The following ABCA13 variants were observed in gnomAD, a reference collection of about 807,000 sequenced individuals.
ABCA13 encodes the protein ATP-binding cassette sub-family A member 13.
Under a neutral mutation model 478.7 loss-of-function variants are expected in ABCA13, and 476 were observed. The ratio of observed to expected loss-of-function variants is 0.99; its 90% CI spans 0.92 to 1.07. The LOEUF is 1.07. Ranked by LOEUF, ABCA13 falls within the 50% of genes least tolerant of loss-of-function variation. The pLI, the probability that ABCA13 is intolerant of heterozygous loss-of-function variation, is 0.00. For synonymous variants in ABCA13, 2,252 were observed against 2,158.9 expected, an observed-to-expected ratio of 1.04 and a Z score of -1.20; for missense variants, 6,060 against 5,910.6, an observed-to-expected ratio of 1.03 and a Z score of -0.83.
intron 55 of ABCA13, among the ~76,000 whole-genome samples, chr7:48,536,111 G>C (rs771426232): frequency 2.6e-5 from 4 of 152,178 alleles, no homozygotes; most frequent in Non-Finnish European, 5.9e-5. Flanking sequence ...GCAGCTGTCT[G>C]AGCAGGAGCT....
At chr7:48,363,445 A>G (rs1054870373) in intron 31 of ABCA13, among the ~76,000 whole-genome samples, 5 of 152,156 alleles carry the variant, frequency 3.3e-5, no homozygotes, top group Admixed American at 6.5e-5. Context: ...ACAATTTTCT[A>G]TGATGACAAG....
At chr7:48,536,349 T>G (rs975051495) in intron 55 of ABCA13, among the ~76,000 whole-genome samples, 4 of 152,162 alleles carry the variant, frequency 2.6e-5, no homozygotes, top group African/African-American at 9.7e-5. Context: ...AAGAATATTT[T>G]AAATTTATCA....
chr7:48,351,228 G>A (rs139250908), intron 30 of ABCA13, among the ~76,000 whole-genome samples: 2,708 of 152,290 alleles, frequency 0.018, 30 homozygotes, highest in Admixed American at 0.023. Context: ...TTGGGGCGGA[G>A]AGCAGGCAAT....
chr7:48,580,309 A>T lies in ABCA13; in HGVS notation c.14440A>T (p.Thr4814Ser). 6.2e-7 allele frequency: 1 copy of T among 1,613,056 alleles called. No homozygotes were observed. The highest frequency in any genetic ancestry group is 8.5e-7 in the Non-Finnish European group (1 of 1,179,546). The change falls in exon 56 of 62, where the codon ACT becomes TCT. Residue 4814 changes from threonine to serine, a missense_variant. By Grantham distance (58) the Thr-to-Ser change is moderately conservative. Coordinates refer to ENST00000435803, the MANE Select transcript of ABCA13 (RefSeq NM_152701.5). ...PQQDALDELL[T>S]GWEHLYYYCS... ...GCAGGATGCCCTGGACGAGCTTCTG[A>T]CTGGTTGGGAACATCTCTATTATTA...
In ABCA13 at chr7:48,410,692, C is replaced by G. The variant is rs62447268; in HGVS notation, c.12228+15C>G. Reference sequence around the variant, plus strand: ...TCACGAGGCAGGTAAGGAGTGCAACCATTCTATCTCACTGAAGTCCCATTT... The same window carrying G: ...TCACGAGGCAGGTAAGGAGTGCAACGATTCTATCTCACTGAAGTCCCATTT... On this transcript the variant is annotated intron_variant, in intron 40 of 61. Transcript: ENST00000435803. 0.2 allele frequency: 326,500 copies of G among 1,602,790 alleles called. 35,717 individuals carry two copies. The highest frequency in any genetic ancestry group is 0.25 in the East Asian group (11,119 of 44,700).
intron 41 of ABCA13, among the ~76,000 whole-genome samples, chr7:48,425,895 C>G (rs1220337858): frequency 6.6e-6 from 1 of 152,004 alleles, no homozygotes; most frequent in East Asian, 1.9e-4. Context: ...GCGCCCGCCA[C>G]CTCGCCCGGC....
Position 48,273,395 on chromosome 7 carries a change from T to G in ABCA13, c.3729T>G (p.Val1243=). 6.2e-7 allele frequency: 1 copy of G among 1,613,618 alleles called. No individual in the cohort carries two copies. ...DFLVALGNAL[V]SVKKLNLEQV... is the part of the protein sequence containing the mutation. The stretch of plus-strand genomic sequence containing the variant: ...TGGTAGCTTTAGGTAATGCATTAGT[T>G]TCAGTAAAAAAACTTAACTTGGAGC... Residue 1243 remains valine, a synonymous_variant, in exon 17 of 62, where the codon GTT becomes GTG. Transcript: ENST00000435803.
intron 39 of ABCA13, among the ~76,000 whole-genome samples, chr7:48,405,553 A>G (rs7802110): frequency 0.28 from 42,102 of 152,202 alleles, 6,135 homozygotes; most frequent in Admixed American, 0.29. Flanking sequence ...CAATTTGCGC[A>G]CTACCCTGGC....
At chr7:48,577,125 G>T (rs1352859069) in intron 55 of ABCA13, among the ~76,000 whole-genome samples, 1 of 152,052 alleles carries the variant, frequency 6.6e-6, no homozygotes, top group Non-Finnish European at 1.5e-5. Flanking sequence ...TGTTAGAAAA[G>T]ATTAGAGACC....
intron 23 of ABCA13, among the ~76,000 whole-genome samples, chr7:48,303,950 C>T (rs949215448): frequency 2.0e-5 from 3 of 152,144 alleles, no homozygotes; most frequent in Non-Finnish European, 4.4e-5. Context: ...TGCAACATGT[C>T]TGTCTGGGGT....
intron 2 of ABCA13, among the ~76,000 whole-genome samples, chr7:48,196,605 C>G (rs1006867826): frequency 6.6e-6 from 1 of 152,066 alleles, no homozygotes; most frequent in African/African-American, 2.4e-5. Context: ...ATGCCCATCC[C>G]CCTCCCTCAT....
Position 48,372,548 on chromosome 7 carries a change from T to C in ABCA13, c.11133+51T>C, listed in dbSNP as rs1366926346. The C allele has an allele frequency of 2.2e-6, 3 of 1,392,212 alleles. No individual in the cohort carries two copies. In the African/African-American group the frequency reaches 4.4e-5, roughly 20 times the overall value. 86.2% of individuals were successfully genotyped at this position (1,392,212 alleles called of 1,614,324 possible). A position where few individuals can be genotyped will look rare whatever the true frequency, so the allele number is the denominator to read the frequency against. ...AAAAAAAAAAACAACAAAATTGCAA[T>C]CTATCTAACAAGACAAAATCCCACC... is the stretch of plus-strand genomic sequence containing the variant. On this transcript the variant is annotated intron_variant, in intron 33 of 61. Coordinates refer to ENST00000435803, the MANE Select transcript of ABCA13 (RefSeq NM_152701.5).
intron 29 of ABCA13, among the ~76,000 whole-genome samples, chr7:48,350,059 C>T (rs904425149): frequency 6.6e-6 from 1 of 152,226 alleles, no homozygotes; most frequent in Non-Finnish European, 1.5e-5. Context: ...TTGATGTCAG[C>T]ATTCATAGCC....
chr7:48,558,931 G>A (rs1280906372), intron 55 of ABCA13, among the ~76,000 whole-genome samples: 1 of 152,154 alleles, frequency 6.6e-6, no homozygotes, highest in African/African-American at 2.4e-5. Context: ...TATTTTTGGG[G>A]AAGGCTGGGC....
chr7:48,333,923 C>T (rs557492690), intron 27 of ABCA13, among the ~76,000 whole-genome samples: 96 of 152,272 alleles, frequency 6.3e-4, no homozygotes, highest in Middle Eastern at 6.8e-3. Flanking sequence ...GGTTCCTCTA[C>T]CCTCAGGGGA....
At chr7:48,391,829 G>A (rs1402065248) in intron 37 of ABCA13, 92 bp from the exon 38 acceptor site, 28 of 1,231,834 alleles carry the variant, frequency 2.3e-5, no homozygotes, top group Non-Finnish European at 3.1e-5. Context: ...GCTCTTGGCA[G>A]GATGCATGCG....
chr7:48,351,887 C>T (rs1809062012), intron 30 of ABCA13, among the ~76,000 whole-genome samples: 1 of 152,094 alleles, frequency 6.6e-6, no homozygotes, highest in Non-Finnish European at 1.5e-5. Context: ...AAAAACCCTG[C>T]AAAAAACATC....
At chr7:48,182,254 C>T (rs558416219) in intron 1 of ABCA13, among the ~76,000 whole-genome samples, 14 of 152,292 alleles carry the variant, frequency 9.2e-5, no homozygotes, top group South Asian at 2.1e-4. Flanking sequence ...GATACCCTAA[C>T]GATTGGTGCT....
Position 48,272,198 on chromosome 7 carries a change from A to C in ABCA13, c.2532A>C (p.Lys844Asn), listed in dbSNP as rs762376585. Residue 844 changes from lysine to asparagine, a missense_variant, in exon 17 of 62, where the codon AAA becomes AAC. This residue lies in a region of ABCA13 where 4,423 missense variants were observed against 4,309.1 expected (regional missense o/e 1.03). Coordinates refer to ENST00000435803, the MANE Select transcript of ABCA13 (RefSeq NM_152701.5). ...LLELWAYGIS[K>N]GKRAKLENFF... Reference sequence around the variant, plus strand: ...AATTATGGGCCTATGGCATTTCAAAAGGAAAAAGAGCTAAATTGGAAAACT... The same window carrying C: ...AATTATGGGCCTATGGCATTTCAAACGGAAAAAGAGCTAAATTGGAAAACT... 2 of 1,611,550 alleles carry C rather than the reference A, an allele frequency of 1.2e-6. No individual in the cohort carries two copies. The highest frequency in any genetic ancestry group is 3.4e-5 in the Admixed American group (2 of 59,610).
Sources: allele counts gnomAD v4.1 joint callset (sites outside exome capture counted in the v4.1 genomes callset), GRCh38; gene constraint gnomAD v4.1.1; regional missense constraint gnomAD v4.1.1; transcripts MANE v1.5; gene names NCBI Gene and HGNC (gene_info 2026-07-23, HGNC 2026-07-21).